MYL12A: variants seen among roughly 807,000 people sequenced by gnomAD.
MYL12A encodes myosin light chain 12A.
Under a neutral mutation model 13.3 loss-of-function variants are expected in MYL12A, and 11 were observed. The ratio of observed to expected loss-of-function variants is 0.83; its 90% confidence interval spans 0.52 to 1.37. The LOEUF (loss-of-function observed/expected upper bound fraction) is 1.37, where lower values mean the gene tolerates loss of function less well. Ranked by LOEUF, MYL12A falls within the 40% of genes most tolerant of loss-of-function variation. The pLI is 0.00. For missense variants in MYL12A, 146 were observed against 212.3 expected, an observed-to-expected ratio of 0.69 and a Z score of 1.94; for synonymous variants, 51 against 69.9, an observed-to-expected ratio of 0.73 and a Z score of 1.35.
intron 3 of MYL12A, among the ~76,000 whole-genome samples, chr18:3,254,808 C>T (rs536509903): frequency 1.3e-5 from 2 of 152,336 alleles, no homozygotes; most frequent in Non-Finnish European, 2.9e-5. Flanking sequence ...CTCAACATGG[C>T]GTAGCCAAGT....
intron 1 of MYL12A, among the ~76,000 whole-genome samples, chr18:3,250,491 A>G (rs1194525240): frequency 6.6e-6 from 1 of 152,052 alleles, no homozygotes; most frequent in African/African-American, 2.4e-5. Context: ...TAGGGAAAAA[A>G]CCCCACAGTT....
rs779983307 is a variant in MYL12A at position 3,252,292 on chromosome 18, C to G, written c.-15-941C>G. The G allele has an allele frequency of 6.5e-6, 10 of 1,528,508 alleles. No individual in the cohort carries two copies. In the South Asian group the frequency reaches 1.1e-4, roughly 16 times the overall value. 94.7% of individuals were successfully genotyped at this position (1,528,508 alleles called of 1,614,324 possible). ...TTACTTTTGCTGCTGAGCGGTTTTG[C>G]AGACTACCATCTTCCCTGCAACTCT... is the stretch of plus-strand genomic sequence containing the variant. On this transcript the variant is annotated intron_variant, in intron 1 of 3. Coordinates refer to ENST00000217652, the MANE Select transcript of MYL12A (RefSeq NM_006471.4).
rs1445053757 is a variant in MYL12A, at chr18:3,251,026, AT to A, written c.-15-2205del. The stretch of plus-strand genomic sequence containing the variant: ...TAACTCTTAGCTAGTATTCAACATA[AT>A]TAATATGACGTTTGATACATATTAG... On this transcript the variant is annotated intron_variant, in intron 1 of 3. Transcript: ENST00000217652. Among the ~76,000 whole-genome samples, 6 of 110,144 alleles carry A rather than the reference AT, an allele frequency of 5.4e-5. No homozygotes were observed. The East Asian group carries it at 1.1e-3, about 19-fold the overall frequency. The allele number at this position is 110,144 out of a possible 152,430, so 72.3% of individuals were successfully genotyped here. A position where few individuals can be genotyped will look rare whatever the true frequency, so the allele number is the denominator to read the frequency against.
intron 3 of MYL12A, among the ~76,000 whole-genome samples, chr18:3,254,703 A>G (rs906582175): frequency 5.9e-5 from 9 of 152,240 alleles, no homozygotes; most frequent in African/African-American, 2.2e-4. Context: ...TTAACTCTCA[A>G]AAAAACAAAA....
At chr18:3,254,958 G>C (rs1004731587) in intron 3 of MYL12A, among the ~76,000 whole-genome samples, 1 of 152,166 alleles carries the variant, frequency 6.6e-6, no homozygotes, top group African/African-American at 2.4e-5. Flanking sequence ...CCAGTTATTT[G>C]GGAAATCTTA....
At chr18:3,247,529 C>G (rs903897405), upstream of MYL12A, 3 of 152,348 alleles carry the variant, frequency 2.0e-5, no homozygotes, top group Non-Finnish European at 2.9e-5. Context: ...AGCCACAGGA[C>G]GGACGCAACC....
Position 3,253,956 on chromosome 18 carries a change from C to A in MYL12A, c.249C>A (p.Thr83=). ...AGGCTCCAGGCCCCATCAATTTCAC[C>A]ATGTTCCTCACCATGTTTGGTGAGA... ...MNEAPGPINF[T]MFLTMFGEKL... is the part of the protein sequence containing the mutation. Residue 83 remains threonine, a synonymous_variant, in exon 3 of 4, where the codon ACC becomes ACA. Coordinates refer to ENST00000217652, the MANE Select transcript of MYL12A (RefSeq NM_006471.4). 8 of 1,613,886 alleles carry A rather than the reference C, an allele frequency of 5.0e-6. No homozygotes were observed. Among genetic ancestry groups the A allele is most frequent in the Non-Finnish European group, 6.8e-6 (8 of 1,179,882 alleles).
Position 3,255,763 on chromosome 18 carries a change from T to G in MYL12A, c.361T>G (p.Tyr121Asp). The change falls in exon 4 of 4, where the codon TAC becomes GAC. Residue 121 changes from tyrosine to aspartate, a missense_variant. Coordinates refer to ENST00000217652, the MANE Select transcript of MYL12A (RefSeq NM_006471.4). Reference protein sequence around the residue: ...EEATGTIQEDYLRELLTTMGD... With the variant: ...EEATGTIQEDDLRELLTTMGD... ...TTCTCCAGGCACCATACAGGAAGAT[T>G]ACTTGAGAGAGCTGCTGACAACCAT... 1 of 1,613,700 alleles carries G rather than the reference T, an allele frequency of 6.2e-7. No individual in the cohort carries two copies. The highest frequency in any genetic ancestry group is 8.5e-7 in the Non-Finnish European group (1 of 1,179,882).
Position 3,253,880 on chromosome 18 carries a change from A to C in MYL12A, c.182-9A>C, listed in dbSNP as rs368635524. 9.8e-5 allele frequency: 156 copies of C among 1,590,898 alleles called. No individual in the cohort carries two copies. Among genetic ancestry groups the C allele is most frequent in the Non-Finnish European group, 1.3e-4 (149 of 1,173,856 alleles). On this transcript the variant is annotated splice_polypyrimidine_tract_variant and intron_variant, in intron 2 of 3. Transcript: ENST00000217652. ...GTAATTAAAATTATGACCCCTTTTAAAAATTTAGGGAAGAATCCAACTGAT... is the reference window on the plus strand; with the variant it reads ...GTAATTAAAATTATGACCCCTTTTACAAATTTAGGGAAGAATCCAACTGAT...
Position 3,253,230 on chromosome 18 carries a change from T to G in MYL12A, c.-15-3T>G, listed in dbSNP as rs113873771. 6.3e-7 allele frequency: 1 copy of G among 1,597,414 alleles called. No individual in the cohort carries two copies. Among genetic ancestry groups the G allele is most frequent in the Non-Finnish European group, 8.5e-7 (1 of 1,170,886 alleles). On this transcript the variant is annotated splice_polypyrimidine_tract_variant and splice_region_variant and intron_variant, in intron 1 of 3. Coordinates refer to ENST00000217652, the MANE Select transcript of MYL12A (RefSeq NM_006471.4). ...TTTTTATTGTATTTCCTTTCCTAAT[T>G]AGGACTTAACCACCACCATGTCGAG...
intron 1 of MYL12A, chr18:3,252,578 T>G: frequency 1.2e-6 from 1 of 810,384 alleles, no homozygotes; most frequent in Non-Finnish European, 1.7e-6. Flanking sequence ...TTAGAGATCT[T>G]AGATACTTCC....
At chr18:3,248,770 G>A (rs2081454776) in intron 1 of MYL12A, 1 of 152,228 alleles carries the variant, frequency 6.6e-6, no homozygotes, top group Non-Finnish European at 1.5e-5. Context: ...CCAGTGGTGA[G>A]AACTTTTGGG....
rs145216892 is a variant in MYL12A at position 3,250,621 on chromosome 18, C to G, written c.-15-2612C>G. ...GAAAAAGTAAAGGCCTAGGTAGTAA[C>G]TTCCTCAACATTACACTGCCAGTTT... On this transcript the variant is annotated intron_variant, in intron 1 of 3. Coordinates refer to ENST00000217652, the MANE Select transcript of MYL12A (RefSeq NM_006471.4). Among the ~76,000 whole-genome samples the G allele has an allele frequency of 3.7e-3, 561 of 152,320 alleles. 3 individuals carry two copies. Among genetic ancestry groups the G allele is most frequent in the African/African-American group, 0.013 (539 of 41,566 alleles).
At chr18:3,253,845 G>A (rs749053901) in intron 2 of MYL12A, 44 bp from the exon 3 acceptor site, 66 of 1,530,808 alleles carry the variant, frequency 4.3e-5, no homozygotes, top group Admixed American at 6.0e-5. Context: ...TAGTTGATAT[G>A]TATTGTAATG....
At chr18:3,253,188 C>G in intron 1 of MYL12A, 45 bp from the exon 2 acceptor site, 1 of 1,545,100 alleles carries the variant, frequency 6.5e-7, no homozygotes, top group Non-Finnish European at 8.8e-7. Flanking sequence ...CTTAAGTAAT[C>G]TTAGATGTTG....
chr18:3,251,175 C>G (rs1013412209), intron 1 of MYL12A, among the ~76,000 whole-genome samples: 3 of 149,612 alleles, frequency 2.0e-5, no homozygotes, highest in African/African-American at 7.3e-5. Flanking sequence ...CTTTAAAAAT[C>G]TATTTTATAA....
At chr18:3,252,517 G>C in intron 1 of MYL12A, 1 of 1,213,906 alleles carries the variant, frequency 8.2e-7, no homozygotes, top group South Asian at 2.0e-5. Flanking sequence ...CGTTTAAGAT[G>C]TTTTCTAAAA....
chr18:3,250,522 CTG>C (rs1240061185), intron 1 of MYL12A, among the ~76,000 whole-genome samples: 1 of 152,210 alleles, frequency 6.6e-6, no homozygotes, highest in Non-Finnish European at 1.5e-5. Context: ...GGAACAGTGA[CTG>C]TGCAGCCAAA....
chr18:3,253,780 A>T, intron 2 of MYL12A, 109 bp from the exon 3 acceptor site: 2 of 1,229,808 alleles, frequency 1.6e-6, no homozygotes, highest in Non-Finnish European at 2.2e-6. Context: ...CATGAGTGCA[A>T]ACAGTAAACT....
Sources: gnomAD v4.1 joint callset for allele counts (sites outside exome capture counted in the v4.1 genomes callset) on GRCh38, gnomAD v4.1.1 for gene constraint, MANE v1.5 for transcripts, NCBI Gene and HGNC (gene_info 2026-07-23, HGNC 2026-07-21) for gene names.